The following C11orf65 variants were observed in gnomAD, a reference collection of about 807,000 sequenced individuals.
C11orf65 encodes protein MFI.
A neutral mutation model predicts 35.3 loss-of-function variants in C11orf65; 38 were observed. The observed-to-expected ratio is 1.08, with a 90% CI of 0.83 to 1.41. The LOEUF (loss-of-function observed/expected upper bound fraction) is 1.41. C11orf65 is among the 40% of genes most tolerant of loss of function. The pLI is 0.00. For synonymous variants in C11orf65, 105 were observed against 114.4 expected, an observed-to-expected ratio of 0.92 and a Z score of 0.53; for missense variants, 370 against 367.1, an observed-to-expected ratio of 1.01 and a Z score of -0.06.
At position 108,446,427 on chromosome 11, in the gene C11orf65, G is replaced by A. The variant is rs548676207; in HGVS notation, c.82-14589C>T. Among the ~76,000 whole-genome samples the A allele has an allele frequency of 2.0e-3, 292 of 143,290 alleles. 1 individual carries two copies. The highest frequency in any genetic ancestry group is 6.2e-3 in the African/African-American group (238 of 38,136). 94.0% of individuals were successfully genotyped at this position (143,290 alleles called of 152,430 possible). On this transcript the variant is annotated intron_variant, in intron 2 of 8. Coordinates refer to ENST00000393084, the MANE Select transcript of C11orf65 (RefSeq NM_152587.5). Reference sequence around the variant, plus strand: ...AAGGGAAGCCCATCAGACTAACAGCGGATCTCTCAGCAGAAACTCTACAAG... The same window carrying A: ...AAGGGAAGCCCATCAGACTAACAGCAGATCTCTCAGCAGAAACTCTACAAG...
intron 6 of C11orf65, among the ~76,000 whole-genome samples, chr11:108,401,419 C>T (rs1461908375): frequency 1.3e-5 from 2 of 152,198 alleles, no homozygotes; most frequent in Non-Finnish European, 2.9e-5. Context: ...AATTAACTGC[C>T]TGTTTTTCTG....
chr11:108,412,828 G>A (rs1162661479), intron 3 of C11orf65, among the ~76,000 whole-genome samples: 2 of 152,042 alleles, frequency 1.3e-5, no homozygotes, highest in Non-Finnish European at 2.9e-5. Flanking sequence ...TTCAGACAAG[G>A]CCAAATTAAG....
intron 2 of C11orf65, among the ~76,000 whole-genome samples, chr11:108,338,083 C>CCA (rs2087053613): frequency 6.6e-6 from 1 of 152,188 alleles, no homozygotes; most frequent in Non-Finnish European, 1.5e-5. Context: ...GCATGGTGGC[C>CCA]CACGCCTGTA....
At chr11:108,393,885 T>TA (rs1156611429) in intron 6 of C11orf65, among the ~76,000 whole-genome samples, 1 of 152,092 alleles carries the variant, frequency 6.6e-6, no homozygotes, top group African/African-American at 2.4e-5. Context: ...TAATTCTTTT[T>TA]AAAAAGACAC....
chr11:108,319,982 G>C lies in C11orf65; in HGVS notation c.641-10911C>G, dbSNP rs1555116399. 1 of 1,612,596 alleles carries C rather than the reference G, an allele frequency of 6.2e-7. No individual in the cohort carries two copies. The highest frequency in any genetic ancestry group is 8.5e-7 in the Non-Finnish European group (1 of 1,178,842). ...AGAAGTAGAAGGAACCAGTTACCAT[G>C]AATCATTGTACAATGCTCTACAATC... On this transcript the variant is annotated intron_variant, in intron 6 of 6. Coordinates refer to the C11orf65 transcript ENST00000525729.
At chr11:108,361,662 A>C (rs61504979) in intron 2 of C11orf65, among the ~76,000 whole-genome samples, 2,107 of 151,892 alleles carry the variant, frequency 0.014, 55 homozygotes, top group African/African-American at 0.047. Flanking sequence ...CAACTATCTG[A>C]TCTTTGACAA....
At chr11:108,364,199 T>C (rs1440717317) in intron 2 of C11orf65, among the ~76,000 whole-genome samples, 1 of 152,198 alleles carries the variant, frequency 6.6e-6, no homozygotes, top group African/African-American at 2.4e-5. Context: ...ACTGAGAAAC[T>C]GTATACAGAT....
intron 2 of C11orf65, among the ~76,000 whole-genome samples, chr11:108,337,504 A>G (rs1022333360): frequency 1.3e-5 from 2 of 152,200 alleles, no homozygotes; most frequent in Middle Eastern, 3.2e-3. Context: ...TCTGATCCCC[A>G]TTCTTAGAAT....
chr11:108,445,729 AG>A (rs2093244241), intron 2 of C11orf65, among the ~76,000 whole-genome samples: 1 of 152,132 alleles, frequency 6.6e-6, no homozygotes, highest in African/African-American at 2.4e-5. Context: ...CCTCCTCCAA[AG>A]GAACGCAGCT....
At chr11:108,322,981 G>A (rs1591116496) in intron 6 of C11orf65, among the ~76,000 whole-genome samples, 1 of 151,928 alleles carries the variant, frequency 6.6e-6, no homozygotes, top group Non-Finnish European at 1.5e-5. Context: ...CATTTCTAAA[G>A]TCAGGGATTT....
At chr11:108,428,020 C>CG (rs71047697) in intron 3 of C11orf65, among the ~76,000 whole-genome samples, 148,822 of 148,834 alleles carry the variant, frequency 1, 74,405 homozygotes, top group Middle Eastern at 1. Context: ...TTAGTAGAGA[C>CG]GGGTTTCACC....
intron 3 of C11orf65, 86 bp downstream of exon 3, chr11:108,431,656 GAAAC>G (rs996931488): frequency 1.5e-5 from 10 of 682,122 alleles, no homozygotes; most frequent in African/African-American, 1.5e-4. Flanking sequence ...GTTTTAAAAA[GAAAC>G]AAATATGATG....
At chr11:108,379,785 G>T (rs1200738411), downstream of C11orf65, among the ~76,000 whole-genome samples, 1 of 152,026 alleles carries the variant, frequency 6.6e-6, no homozygotes, top group Non-Finnish European at 1.5e-5. Flanking sequence ...AGGGAGCACA[G>T]GCCAGCTGCT....
At chr11:108,385,292 G>A (rs185125499) in intron 8 of C11orf65, among the ~76,000 whole-genome samples, 3,325 of 152,086 alleles carry the variant, frequency 0.022, 92 homozygotes, top group African/African-American at 0.069. Flanking sequence ...GGCTGGTCTC[G>A]AACTCCTGAC....
intron 2 of C11orf65, chr11:108,343,469 T>C: frequency 7.1e-7 from 1 of 1,414,014 alleles, no homozygotes; most frequent in Non-Finnish European, 9.8e-7. Context: ...AAAACTTTAA[T>C]TTCATCAGGT....
At chr11:108,381,460 A>G (rs538229919), downstream of C11orf65, among the ~76,000 whole-genome samples, 275 of 152,330 alleles carry the variant, frequency 1.8e-3, 2 homozygotes, top group African/African-American at 6.4e-3. Flanking sequence ...TTCTCTGTCC[A>G]CTAGTAGGAA....
At chr11:108,469,500 A>G (rs921647626), upstream of C11orf65, among the ~76,000 whole-genome samples, 1 of 151,454 alleles carries the variant, frequency 6.6e-6, no homozygotes, top group African/African-American at 2.4e-5. Flanking sequence ...CATTAAACAT[A>G]CATAATTAAA....
intron 2 of C11orf65, among the ~76,000 whole-genome samples, chr11:108,432,609 T>C (rs776609975): frequency 3.3e-4 from 50 of 152,140 alleles, no homozygotes; most frequent in African/African-American, 1.1e-3. Flanking sequence ...TAATAACTCT[T>C]GGTAAACACC....
intron 6 of C11orf65, among the ~76,000 whole-genome samples, chr11:108,403,988 C>G (rs945686139): frequency 6.6e-6 from 1 of 152,056 alleles, no homozygotes; most frequent in Non-Finnish European, 1.5e-5. Flanking sequence ...CATTCACATA[C>G]GACACAAGCA....
Sources: allele counts gnomAD v4.1 joint callset (sites outside exome capture counted in the v4.1 genomes callset), GRCh38; gene constraint gnomAD v4.1.1; transcripts MANE v1.5; gene names NCBI Gene and HGNC (gene_info 2026-07-23, HGNC 2026-07-21).